The following TBC1D22A variants were observed in gnomAD, a reference collection of about 807,000 sequenced individuals.
TBC1D22A encodes TBC1 domain family member 22A, also known as putative GTPase activator.
A neutral mutation model predicts 60.2 loss-of-function variants in TBC1D22A; 38 were observed. The observed-to-expected ratio is 0.63, with a 90% CI of 0.49 to 0.83. The LOEUF (loss-of-function observed/expected upper bound fraction) is 0.83. TBC1D22A is among the 40% of genes least tolerant of loss of function. The pLI is 0.00. For missense variants in TBC1D22A, 628 were observed against 701.0 expected, an observed-to-expected ratio of 0.90 and a Z score of 1.18; for synonymous variants, 302 against 281.7, an observed-to-expected ratio of 1.07 and a Z score of -0.72.
intron 1 of TBC1D22A, among the ~76,000 whole-genome samples, chr22:46,766,169 T>G (rs891569320): frequency 3.9e-5 from 6 of 152,100 alleles, no homozygotes; most frequent in African/African-American, 1.4e-4. Flanking sequence ...GGCTAATTTT[T>G]TATATTTTTG....
At chr22:47,046,275 C>T (rs565179389) in intron 11 of TBC1D22A, among the ~76,000 whole-genome samples, 6 of 152,148 alleles carry the variant, frequency 3.9e-5, no homozygotes, top group Non-Finnish European at 7.4e-5. Flanking sequence ...GGTCCCTGCA[C>T]CCCACTGTGC....
chr22:46,961,678 A>T (rs1295657027), intron 8 of TBC1D22A, among the ~76,000 whole-genome samples: 3 of 152,184 alleles, frequency 2.0e-5, no homozygotes, highest in Non-Finnish European at 4.4e-5. Flanking sequence ...GGAGACCAGG[A>T]TTTGAACCCA....
intron 7 of TBC1D22A, among the ~76,000 whole-genome samples, chr22:46,903,261 T>C (rs1022166089): frequency 6.6e-6 from 1 of 152,132 alleles, no homozygotes; most frequent in African/African-American, 2.4e-5. Flanking sequence ...CATCCCAGGC[T>C]GCAGGCGAAG....
chr22:47,173,747 C>T lies in TBC1D22A; in HGVS notation c.*121C>T. 2.1e-6 allele frequency: 3 copies of T among 1,455,174 alleles called. No homozygotes were observed. The highest frequency in any genetic ancestry group is 2.3e-5 in the East Asian group (1 of 43,452). 90.1% of individuals were successfully genotyped at this position (1,455,174 alleles called of 1,614,324 possible). A position where few individuals can be genotyped will look rare whatever the true frequency, so the allele number is the denominator to read the frequency against. On this transcript the variant is annotated 3_prime_UTR_variant, in exon 13 of 13. Coordinates refer to ENST00000337137, the MANE Select transcript of TBC1D22A (RefSeq NM_014346.5). ...AAAAGGCCTTGTGAGGTGGCCCCAC[C>T]CTCCAGGGGAGCTGGTGAAGATGGG...
chr22:46,861,414 G>C (rs551564480), intron 4 of TBC1D22A, among the ~76,000 whole-genome samples: 2 of 152,314 alleles, frequency 1.3e-5, no homozygotes, highest in South Asian at 2.1e-4. Flanking sequence ...TGGCCTCTCT[G>C]TGTGTTTTAC....
chr22:46,840,219 A>C (rs1306753735), intron 4 of TBC1D22A, among the ~76,000 whole-genome samples: 1 of 152,210 alleles, frequency 6.6e-6, no homozygotes, highest in South Asian at 2.1e-4. Flanking sequence ...AAATGTCTGA[A>C]ATATATAAAG....
chr22:46,784,866 C>A (rs192516432), intron 1 of TBC1D22A, among the ~76,000 whole-genome samples: 68 of 152,278 alleles, frequency 4.5e-4, no homozygotes, highest in African/African-American at 1.5e-3. Context: ...GTTCTTATTC[C>A]CATTTCCAGG....
At chr22:46,957,521 C>T (rs1354768088) in intron 8 of TBC1D22A, among the ~76,000 whole-genome samples, 1 of 152,204 alleles carries the variant, frequency 6.6e-6, no homozygotes, top group Non-Finnish European at 1.5e-5. Context: ...ACAAGAACAG[C>T]ATGGGGGAGA....
At chr22:46,784,672 A>G (rs774115330) in intron 1 of TBC1D22A, among the ~76,000 whole-genome samples, 1 of 152,258 alleles carries the variant, frequency 6.6e-6, no homozygotes, top group Non-Finnish European at 1.5e-5. Flanking sequence ...TAAAAAGGAC[A>G]TGCAAATAGT....
At chr22:46,795,474 C>T (rs2084612145) in intron 3 of TBC1D22A, among the ~76,000 whole-genome samples, 1 of 152,194 alleles carries the variant, frequency 6.6e-6, no homozygotes, top group Non-Finnish European at 1.5e-5. Flanking sequence ...CCTGGGATGT[C>T]ACCCTGGGAT....
chr22:47,052,797 A>C (rs2063268393), intron 11 of TBC1D22A, among the ~76,000 whole-genome samples: 1 of 152,186 alleles, frequency 6.6e-6, no homozygotes, highest in South Asian at 2.1e-4. Flanking sequence ...CTGTCCTTCC[A>C]GGCCACTGCT....
intron 12 of TBC1D22A, among the ~76,000 whole-genome samples, chr22:47,150,312 C>T (rs2067453847): frequency 6.6e-6 from 1 of 152,134 alleles, no homozygotes; most frequent in African/African-American, 2.4e-5. Flanking sequence ...CTCCTGGCTG[C>T]ACTCACAGTG....
At chr22:46,997,924 G>A (rs889207331) in intron 10 of TBC1D22A, among the ~76,000 whole-genome samples, 2 of 152,144 alleles carry the variant, frequency 1.3e-5, no homozygotes, top group Non-Finnish European at 2.9e-5. Flanking sequence ...TCACTTTGCA[G>A]GACAGTAGTG....
rs968101426 is a variant in TBC1D22A at position 46,985,209 on chromosome 22, G to A, written c.1125+10810G>A. On this transcript the variant is annotated intron_variant, in intron 9 of 12. Transcript: ENST00000337137. ...CTCTGATTTGGCATTTGTTGTATACGTCAAGAAGCAGAGTCTTCACCTGGA... is the reference window on the plus strand; with the variant it reads ...CTCTGATTTGGCATTTGTTGTATACATCAAGAAGCAGAGTCTTCACCTGGA... Among the ~76,000 whole-genome samples the A allele has an allele frequency of 2.0e-5, 3 of 152,322 alleles. 1 individual carries two copies. The highest frequency in any genetic ancestry group is 1.9e-4 in the East Asian group (1 of 5,190).
chr22:46,766,670 G>A, intron 1 of TBC1D22A, among the ~76,000 whole-genome samples: 1 of 152,012 alleles, frequency 6.6e-6, no homozygotes, highest in South Asian at 2.1e-4. Flanking sequence ...AAAGTAACTG[G>A]GATTACAGGC....
At chr22:47,030,068 TG>T (rs1225216591) in intron 10 of TBC1D22A, among the ~76,000 whole-genome samples, 1 of 152,184 alleles carries the variant, frequency 6.6e-6, no homozygotes, top group Non-Finnish European at 1.5e-5. Context: ...GGGCTCAGAG[TG>T]GGGGGCCTCT....
intron 5 of TBC1D22A, among the ~76,000 whole-genome samples, chr22:46,882,941 G>A (rs1229245736): frequency 1.3e-5 from 2 of 152,186 alleles, no homozygotes; most frequent in Admixed American, 6.5e-5. Context: ...GAAGAAGGAC[G>A]AGAAACATGA....
chr22:47,072,163 A>G (rs1355125232), intron 11 of TBC1D22A, among the ~76,000 whole-genome samples: 3 of 151,950 alleles, frequency 2.0e-5, no homozygotes, highest in African/African-American at 7.3e-5. Flanking sequence ...CTTCTTTGGG[A>G]ATTAGGAGGA....
chr22:46,875,112 GT>G (rs2067490787), intron 4 of TBC1D22A, among the ~76,000 whole-genome samples: 1 of 152,178 alleles, frequency 6.6e-6, no homozygotes, highest in Non-Finnish European at 1.5e-5. Flanking sequence ...CCACAAGAGC[GT>G]TCATCGCAGC....
Sources: gnomAD v4.1 joint callset for allele counts (sites outside exome capture counted in the v4.1 genomes callset) on GRCh38, gnomAD v4.1.1 for gene constraint, MANE v1.5 for transcripts, NCBI Gene and HGNC (gene_info 2026-07-23, HGNC 2026-07-21) for gene names.